Variants in ZIC4 observed in about 807,000 individuals in gnomAD.
ZIC4 encodes the protein zinc finger protein ZIC 4.
ZIC4 carries 15 observed loss-of-function variants against 28.8 expected under a neutral mutation model. That is an observed-to-expected ratio of 0.52 (90% CI 0.35 to 0.80). The LOEUF is 0.80. Ranked by LOEUF, ZIC4 falls within the 30% of genes least tolerant of loss-of-function variation. ZIC4 has a pLI of 0.01. For missense variants in ZIC4, 512 were observed against 467.1 expected, an observed-to-expected ratio of 1.10 and a Z score of -0.89; for synonymous variants, 220 against 198.1, an observed-to-expected ratio of 1.11 and a Z score of -0.93.
At position 147,403,995 on chromosome 3, in the gene ZIC4, C is replaced by A. The variant is rs753542655; in HGVS notation, c.-15-1183G>T. Reference sequence around the variant, plus strand: ...CCAGAGGGTATTATTATTTTCAATTCTTTCTAACCAAAAGGCATTCTTCCC... The same window carrying A: ...CCAGAGGGTATTATTATTTTCAATTATTTCTAACCAAAAGGCATTCTTCCC... On this transcript the variant is annotated intron_variant, in intron 1 of 4. Coordinates refer to ENST00000383075, the MANE Select transcript of ZIC4 (RefSeq NM_032153.6). 2.9e-5 allele frequency: 45 copies of A among 1,536,902 alleles called. 1 individual carries two copies. In the South Asian group the frequency reaches 5.4e-4, roughly 18 times the overall value.
intron 2 of ZIC4, among the ~76,000 whole-genome samples, chr3:147,397,844 G>A (rs1330623111): frequency 6.6e-6 from 1 of 151,872 alleles, no homozygotes; most frequent in Non-Finnish European, 1.5e-5. Context: ...GGTCCTTTTC[G>A]TCTCTCTTAT....
Position 147,396,675 on chromosome 3 carries a change from GC to G in ZIC4, c.71-207del, listed in dbSNP as rs1176918392. 1 of 556,854 alleles carries G rather than the reference GC, an allele frequency of 1.8e-6. No homozygotes were observed. 34.5% of individuals were successfully genotyped at this position (556,854 alleles called of 1,614,324 possible). A position where few individuals can be genotyped will look rare whatever the true frequency, so the allele number is the denominator to read the frequency against. On this transcript the variant is annotated intron_variant, in intron 2 of 4. Transcript: ENST00000383075. The surrounding 1 kb of genome is among the most constrained non-coding windows in gnomAD (Gnocchi z 4.2). ...CGCCATTGGGCCGAATTGCTGTTGG[GC>G]CAAGTCCCCCGCCGCGCCATGAGCT...
intron 3 of ZIC4, 75 bp from the exon 4 acceptor site, chr3:147,391,321 C>A (rs1028847705): frequency 1.4e-6 from 2 of 1,450,470 alleles, no homozygotes; most frequent in East Asian, 2.4e-5. Context: ...CTCCCCCATT[C>A]GTCTCTCATT....
At chr3:147,393,769 G>C (rs1191365253) in intron 3 of ZIC4, 1 of 403,688 alleles carries the variant, frequency 2.5e-6, no homozygotes, top group African/African-American at 2.1e-5. Context: ...GTGAGCTCCC[G>C]GCCCCGGCCG....
chr3:147,402,290 T>C (rs2087181117), intron 2 of ZIC4, among the ~76,000 whole-genome samples: 1 of 152,166 alleles, frequency 6.6e-6, no homozygotes, highest in Non-Finnish European at 1.5e-5. Flanking sequence ...ATGATGTATA[T>C]CATGTAAACC....
intron 2 of ZIC4, among the ~76,000 whole-genome samples, chr3:147,401,965 C>A (rs115437230): frequency 2.0e-5 from 3 of 152,034 alleles, no homozygotes; most frequent in African/African-American, 7.2e-5. Flanking sequence ...ATTAAATCAT[C>A]CCCAGATAAT....
rs2107957561 is a variant in ZIC4 at position 147,387,631 on chromosome 3, T to C, written c.*1228A>G. 6.5e-6 allele frequency: 1 copy of C among 152,764 alleles called. No homozygotes were observed. Among genetic ancestry groups the C allele is most frequent in the East Asian group, 1.9e-4 (1 of 5,184 alleles). The allele number at this position is 152,764 out of a possible 1,614,324, so 9.5% of individuals were successfully genotyped here. A position where few individuals can be genotyped will look rare whatever the true frequency, so the allele number is the denominator to read the frequency against. ...TTAAGGGAACATGGACTTCTAACTTTCCTGCCATCTTCCCCACATCCCCTT... is the reference window on the plus strand; with the variant it reads ...TTAAGGGAACATGGACTTCTAACTTCCCTGCCATCTTCCCCACATCCCCTT... On this transcript the variant is annotated 3_prime_UTR_variant, in exon 5 of 5. Coordinates refer to ENST00000383075, the MANE Select transcript of ZIC4 (RefSeq NM_032153.6).
intron 2 of ZIC4, among the ~76,000 whole-genome samples, chr3:147,397,921 C>T (rs1489734215): frequency 6.6e-6 from 1 of 152,140 alleles, no homozygotes; most frequent in African/African-American, 2.4e-5. Context: ...TTCCTCTATA[C>T]TCTCTTCCCA....
intron 4 of ZIC4, among the ~76,000 whole-genome samples, chr3:147,390,000 G>A (rs1234949525): frequency 1.3e-5 from 2 of 152,112 alleles, no homozygotes; most frequent in Non-Finnish European, 2.9e-5. Context: ...AAGGCCCGGG[G>A]AGGCCTCACA....
At position 147,405,746 on chromosome 3, in the gene ZIC4, G is replaced by T. The variant is rs940166694; in HGVS notation, c.-16+617C>A. 39 of 513,098 alleles carry T rather than the reference G, an allele frequency of 7.6e-5. No homozygotes were observed. In the Middle Eastern group the frequency reaches 1.6e-3, roughly 21 times the overall value. The allele number at this position is 513,098 out of a possible 1,614,324, so 31.8% of individuals were successfully genotyped here. A position where few individuals can be genotyped will look rare whatever the true frequency, so the allele number is the denominator to read the frequency against. On this transcript the variant is annotated intron_variant, in intron 1 of 4. Coordinates refer to ENST00000383075, the MANE Select transcript of ZIC4 (RefSeq NM_032153.6). ...TGAGGCAGGACCAGGGTGAGGGAGG[G>T]CAAGGAGCCGCCCTGAGGTGGACTC...
At chr3:147,394,466 T>TC (rs2086994519) in intron 3 of ZIC4, among the ~76,000 whole-genome samples, 1 of 112,630 alleles carries the variant, frequency 8.9e-6, no homozygotes, top group Non-Finnish European at 2.0e-5. Context: ...AGTTTGTTTG[T>TC]TTAAAAAAAA....
intron 2 of ZIC4, among the ~76,000 whole-genome samples, chr3:147,398,212 A>G (rs1489949120): frequency 6.6e-6 from 1 of 152,034 alleles, no homozygotes; most frequent in Non-Finnish European, 1.5e-5. Flanking sequence ...TGAGCGCTAT[A>G]CCCCGCAGTC....
At position 147,388,811 on chromosome 3, in the gene ZIC4, C is replaced by A; in HGVS notation, c.*48G>T. The A allele has an allele frequency of 2.6e-6, 2 of 772,224 alleles. No individual in the cohort carries two copies. Among genetic ancestry groups the A allele is most frequent in the Non-Finnish European group, 4.8e-6 (2 of 415,534 alleles). 47.8% of individuals were successfully genotyped at this position (772,224 alleles called of 1,614,324 possible). Reference sequence around the variant, plus strand: ...GATGTAGCAGGCGCGAGATGCGGGGCGCTCAGCTGCGCGGAGCGAGATTAC... The same window carrying A: ...GATGTAGCAGGCGCGAGATGCGGGGAGCTCAGCTGCGCGGAGCGAGATTAC... On this transcript the variant is annotated 3_prime_UTR_variant, in exon 5 of 5. Coordinates refer to ENST00000383075, the MANE Select transcript of ZIC4 (RefSeq NM_032153.6).
intron 1 of ZIC4, chr3:147,403,843 TC>T: frequency 1.2e-5 from 6 of 520,960 alleles, no homozygotes; most frequent in South Asian, 4.3e-5. Context: ...TGCACAAAGA[TC>T]TCTCTCTCTC....
chr3:147,396,604 C>A lies in ZIC4; in HGVS notation c.71-135G>T. 6 of 1,179,600 alleles carry A rather than the reference C, an allele frequency of 5.1e-6. No homozygotes were observed. Among genetic ancestry groups the A allele is most frequent in the Non-Finnish European group, 6.8e-6 (6 of 887,480 alleles). 73.1% of individuals were successfully genotyped at this position (1,179,600 alleles called of 1,614,324 possible). A position where few individuals can be genotyped will look rare whatever the true frequency, so the allele number is the denominator to read the frequency against. On this transcript the variant is annotated intron_variant, in intron 2 of 4. Transcript: ENST00000383075. The surrounding 1 kb of genome is among the most constrained non-coding windows in gnomAD (Gnocchi z 4.2). The stretch of plus-strand genomic sequence containing the variant: ...AGCCGTGGAACTCAGAGCCAGACAG[C>A]GCCAGCAGTGAACCCGGTGGACAGA...
chr3:147,390,820 G>A, intron 4 of ZIC4, 111 bp downstream of exon 4: 2 of 1,317,700 alleles, frequency 1.5e-6, no homozygotes, highest in South Asian at 3.0e-5. Context: ...AATCACAGAG[G>A]CAGCCCTAAT....
In ZIC4 at chr3:147,391,069, C is replaced by A. The variant is rs780784803; in HGVS notation, c.866G>T (p.Gly289Val). Residue 289 changes from glycine to valine, a missense_variant, in exon 4 of 5, where the codon GGG becomes GTG. This residue lies in a region of ZIC4 where 144 missense variants were observed against 116.8 expected (regional missense o/e 1.23). Coordinates refer to ENST00000383075, the MANE Select transcript of ZIC4 (RefSeq NM_032153.6). The part of the protein sequence containing the change: ...SSLRKHMKVH[G>V]RSPPPSSGYD... ...GCCAGAGCTGGGCGGCGGCGAGCGC[C>A]CGTGCACCTTCATGTGCTTACGCAG... is the stretch of plus-strand genomic sequence containing the variant. The A allele has an allele frequency of 1.3e-4, 203 of 1,613,866 alleles. No individual in the cohort carries two copies. The highest frequency in any genetic ancestry group is 1.7e-4 in the Non-Finnish European group (200 of 1,180,044).
At chr3:147,403,907 C>A in intron 1 of ZIC4, 1 of 1,482,026 alleles carries the variant, frequency 6.7e-7, no homozygotes, top group Non-Finnish European at 8.9e-7. Flanking sequence ...CGGCTTTTAC[C>A]CTTCCATCTC....
intron 3 of ZIC4, chr3:147,391,685 A>G (rs536311840): frequency 3.9e-4 from 61 of 157,402 alleles, no homozygotes; most frequent in Non-Finnish European, 6.2e-4. Context: ...TTTCAGACTA[A>G]CTTCTCTGCC....
Sources: gnomAD v4.1 joint callset for allele counts (sites outside exome capture counted in the v4.1 genomes callset) on GRCh38, gnomAD v4.1.1 for gene constraint, gnomAD v4.1.1 regional missense constraint, Gnocchi (gnomAD v3.1) non-coding constraint, MANE v1.5 for transcripts, NCBI Gene and HGNC (gene_info 2026-07-23, HGNC 2026-07-21) for gene names.